Variants in HS3ST3A1 observed in about 807,000 individuals in gnomAD.
The protein encoded by HS3ST3A1 is heparan sulfate glucosamine 3-O-sulfotransferase 3A1.
Under a neutral mutation model 25.7 loss-of-function variants are expected in HS3ST3A1, and 19 were observed. The ratio of observed to expected loss-of-function variants is 0.74; its 90% confidence interval spans 0.52 to 1.08. The LOEUF (loss-of-function observed/expected upper bound fraction) is 1.08. Ranked by LOEUF, HS3ST3A1 falls within the 50% of genes least tolerant of loss-of-function variation. The pLI is 0.00. For missense variants in HS3ST3A1, 459 were observed against 594.3 expected (o/e 0.77, Z 2.37); for synonymous variants, 226 against 278.6 (o/e 0.81, Z 1.88).
chr17:13,498,962 G>A (rs925378639), intron 1 of HS3ST3A1, among the ~76,000 whole-genome samples: 22 of 149,684 alleles, frequency 1.5e-4, no homozygotes, highest in African/African-American at 4.9e-4. Context: ...TTTTTTGGGT[G>A]GGGGGTTTAT....
chr17:13,529,726 G>T (rs1187387945), intron 1 of HS3ST3A1, among the ~76,000 whole-genome samples: 1 of 152,076 alleles, frequency 6.6e-6, no homozygotes, highest in Non-Finnish European at 1.5e-5. Flanking sequence ...AACACTACAG[G>T]GAAAACATTT....
chr17:13,599,732 C>T (rs1445326879), intron 1 of HS3ST3A1, among the ~76,000 whole-genome samples: 1 of 152,174 alleles, frequency 6.6e-6, no homozygotes, highest in Non-Finnish European at 1.5e-5. Context: ...GACTTATTTC[C>T]TAAACTGTAT....
chr17:13,554,056 A>C (rs1341738367), intron 1 of HS3ST3A1, among the ~76,000 whole-genome samples: 9 of 152,244 alleles, frequency 5.9e-5, no homozygotes, highest in Non-Finnish European at 8.8e-5. Context: ...ATCACCAGGA[A>C]GCATGAGGGC....
chr17:13,502,702 A>G (rs1905520478), intron 1 of HS3ST3A1, among the ~76,000 whole-genome samples: 1 of 152,186 alleles, frequency 6.6e-6, no homozygotes, highest in Non-Finnish European at 1.5e-5. Context: ...TTTTCTATTT[A>G]TATGGAAAAA....
intron 1 of HS3ST3A1, among the ~76,000 whole-genome samples, chr17:13,521,122 T>G (rs775404814): frequency 3.9e-5 from 6 of 152,192 alleles, no homozygotes; most frequent in South Asian, 2.1e-4. Flanking sequence ...AACTCTTGCT[T>G]CTGAGTTTGA....
chr17:13,508,304 AC>A (rs2142302983), intron 1 of HS3ST3A1, among the ~76,000 whole-genome samples: 1 of 152,344 alleles, frequency 6.6e-6, no homozygotes, highest in African/African-American at 2.4e-5. Context: ...GGTTCCCTGG[AC>A]TCCAGAGGAG....
intron 1 of HS3ST3A1, among the ~76,000 whole-genome samples, chr17:13,562,744 G>C (rs953308880): frequency 6.6e-6 from 1 of 152,116 alleles, no homozygotes; most frequent in Non-Finnish European, 1.5e-5. Flanking sequence ...ACTCCATCCA[G>C]AGTCAAATAT....
chr17:13,573,657 A>T (rs1270669501), intron 1 of HS3ST3A1, among the ~76,000 whole-genome samples: 1 of 152,076 alleles, frequency 6.6e-6, no homozygotes, highest in Non-Finnish European at 1.5e-5. Context: ...CTCACAATCA[A>T]CATGTGACTG....
At chr17:13,532,728 G>T (rs1240225810) in intron 1 of HS3ST3A1, among the ~76,000 whole-genome samples, 2 of 152,108 alleles carry the variant, frequency 1.3e-5, no homozygotes, top group Non-Finnish European at 2.9e-5. Context: ...TGAAACTGGG[G>T]ACATCTGGGC....
intron 1 of HS3ST3A1, among the ~76,000 whole-genome samples, chr17:13,584,651 AC>A (rs1308376226): frequency 6.6e-6 from 1 of 152,200 alleles, no homozygotes; most frequent in Non-Finnish European, 1.5e-5. Flanking sequence ...TAATCATGCC[AC>A]TATACATAAG....
chr17:13,568,277 A>G (rs574207530), intron 1 of HS3ST3A1, among the ~76,000 whole-genome samples: 1 of 152,348 alleles, frequency 6.6e-6, no homozygotes, highest in African/African-American at 2.4e-5. Context: ...TTAATAGACT[A>G]TAGTATAGCA....
At chr17:13,518,129 C>T (rs541013454) in intron 1 of HS3ST3A1, among the ~76,000 whole-genome samples, 104 of 152,222 alleles carry the variant, frequency 6.8e-4, no homozygotes, top group Middle Eastern at 3.4e-3. Context: ...AAGGATCCTA[C>T]AGTCTGACTT....
chr17:13,567,669 T>A (rs1389031581), intron 1 of HS3ST3A1, among the ~76,000 whole-genome samples: 1 of 152,210 alleles, frequency 6.6e-6, no homozygotes, highest in East Asian at 1.9e-4. Context: ...AGTTCTGGAC[T>A]TCAGAGAAGG....
At chr17:13,598,030 ATAAT>A (rs551520335) in intron 1 of HS3ST3A1, among the ~76,000 whole-genome samples, 1 of 152,344 alleles carries the variant, frequency 6.6e-6, no homozygotes, top group East Asian at 1.9e-4. Flanking sequence ...ACACCTAAAA[ATAAT>A]TATATAGGTT....
At chr17:13,596,007 A>T (rs980715418) in intron 1 of HS3ST3A1, among the ~76,000 whole-genome samples, 1 of 152,150 alleles carries the variant, frequency 6.6e-6, no homozygotes, top group Non-Finnish European at 1.5e-5. Flanking sequence ...CAAAATACAG[A>T]TTTGGCACTT....
At chr17:13,545,120 T>A (rs1030826581) in intron 1 of HS3ST3A1, among the ~76,000 whole-genome samples, 1 of 152,206 alleles carries the variant, frequency 6.6e-6, no homozygotes, top group African/African-American at 2.4e-5. Context: ...CTGGGGAGCA[T>A]TAGCATTCCT....
chr17:13,585,192 T>TTTTTG (rs1908222869), intron 1 of HS3ST3A1, among the ~76,000 whole-genome samples: 1 of 105,256 alleles, frequency 9.5e-6, no homozygotes. Context: ...TGTGCTTTTT[T>TTTTTG]TTTTTTTTTT....
At chr17:13,507,080 A>C (rs1004650194) in intron 1 of HS3ST3A1, among the ~76,000 whole-genome samples, 9 of 151,478 alleles carry the variant, frequency 5.9e-5, no homozygotes, top group Admixed American at 2.0e-4. Context: ...AAAAAAAAAA[A>C]AAAAAACAAA....
At chr17:13,532,160 A>G (rs11078164) in intron 1 of HS3ST3A1, among the ~76,000 whole-genome samples, 131,672 of 152,156 alleles carry the variant, frequency 0.87, 57,295 homozygotes, top group African/African-American at 0.96. Context: ...TAGTTCACCA[A>G]TGACTTCTCT....
Sources: gnomAD v4.1 joint callset for allele counts (sites outside exome capture counted in the v4.1 genomes callset) on GRCh38, gnomAD v4.1.1 for gene constraint, MANE v1.5 for transcripts, NCBI Gene and HGNC (gene_info 2026-07-23, HGNC 2026-07-21) for gene names.